Variants in FANCC observed in about 807,000 individuals in gnomAD.
FANCC encodes FA complementation group C.
Under a neutral mutation model 71.3 loss-of-function variants are expected in FANCC, and 55 were observed. That is an observed-to-expected ratio of 0.77 (90% CI 0.62 to 0.97). The LOEUF is 0.97. Ranked by LOEUF, FANCC falls within the 50% of genes least tolerant of loss-of-function variation. The probability of loss-of-function intolerance (pLI) is 0.00; values close to 1 mark genes in which losing one functional copy is unlikely to be tolerated. For synonymous variants in FANCC, 275 were observed against 244.9 expected (o/e 1.12, Z -1.15); for missense variants, 678 against 670.9 (o/e 1.01, Z -0.12).
chr9:95,294,593 C>T (rs1588430965), intron 1 of FANCC: 1 of 1,546,290 alleles, frequency 6.5e-7, no homozygotes, highest in East Asian at 2.2e-5. Flanking sequence ...AAAGATATAC[C>T]TGCTCTAGAA....
At chr9:95,255,864 G>A (rs1026839875) in intron 1 of FANCC, among the ~76,000 whole-genome samples, 4 of 151,632 alleles carry the variant, frequency 2.6e-5, no homozygotes, top group African/African-American at 7.3e-5. Flanking sequence ...TGAAAAACAC[G>A]TCATGAGAAC....
At chr9:95,281,276 G>C (rs542895832) in intron 1 of FANCC, among the ~76,000 whole-genome samples, 2 of 152,094 alleles carry the variant, frequency 1.3e-5, no homozygotes, top group African/African-American at 4.8e-5. Context: ...CAAGCACAAA[G>C]AGAGGATCCT....
chr9:95,264,322 T>C (rs1454834526), intron 1 of FANCC, among the ~76,000 whole-genome samples: 9 of 151,912 alleles, frequency 5.9e-5, no homozygotes, highest in Admixed American at 5.2e-4. Context: ...AATAAATACA[T>C]AAAAAAAGCA....
At chr9:95,141,560 C>T (rs1322142547) in intron 7 of FANCC, among the ~76,000 whole-genome samples, 4 of 151,894 alleles carry the variant, frequency 2.6e-5, no homozygotes, top group Admixed American at 2.0e-4. Context: ...GTAGGTCGGC[C>T]CTTTCTTCTA....
rs533065551 is a variant in FANCC at position 95,271,417 on chromosome 9, TGGAGACAGACACAGA to T, written c.-78-22063_-78-22049del. Among the ~76,000 whole-genome samples, 976 of 152,170 alleles carry T rather than the reference TGGAGACAGACACAGA, an allele frequency of 6.4e-3. 3 individuals are homozygous for T. Among genetic ancestry groups the T allele is most frequent in the Non-Finnish European group, 0.011 (733 of 67,996 alleles). ...ACCTTATGACAGAGGCAGAGCAAGT[TGGAGACAGACACAGA>T]GGAGGCAGCAAAGTGAAGACAGAAG... On this transcript the variant is annotated intron_variant, in intron 1 of 14. Transcript: ENST00000289081.
chr9:95,114,180 AT>A (rs139897930), intron 12 of FANCC: 1 of 209,050 alleles, frequency 4.8e-6, no homozygotes, highest in African/African-American at 2.3e-5. Flanking sequence ...AAAAGCAAGC[AT>A]TTAACATTCC....
rs150838235 is a variant in FANCC at position 95,243,897 on chromosome 9, C to G, written c.251-3154G>C. Among the ~76,000 whole-genome samples, 127 of 152,376 alleles carry G rather than the reference C, an allele frequency of 8.3e-4. 1 individual carries two copies. Among genetic ancestry groups the G allele is most frequent in the Non-Finnish European group, 1.7e-3 (113 of 68,034 alleles). On this transcript the variant is annotated intron_variant, in intron 3 of 14. Coordinates refer to ENST00000289081, the MANE Select transcript of FANCC (RefSeq NM_000136.3). ...CAGGGGCGACACAGGCAACATCTGA[C>G]TGCTAATGGAGTTTCATGCCATTCA...
intron 4 of FANCC, among the ~76,000 whole-genome samples, chr9:95,180,793 C>T (rs1331851385): frequency 6.6e-6 from 1 of 152,044 alleles, no homozygotes; most frequent in Non-Finnish European, 1.5e-5. Flanking sequence ...ACTAGCAGCA[C>T]AGGATGTTTG....
chr9:95,189,613 C>T (rs1016483092), intron 4 of FANCC, among the ~76,000 whole-genome samples: 3 of 152,094 alleles, frequency 2.0e-5, no homozygotes, highest in South Asian at 2.1e-4. Context: ...GGCATTAAAC[C>T]GTATCTATAA....
intron 8 of FANCC, among the ~76,000 whole-genome samples, chr9:95,131,386 G>A (rs961172386): frequency 3.9e-5 from 6 of 152,132 alleles, no homozygotes; most frequent in Admixed American, 1.3e-4. Context: ...TGACCCCTAC[G>A]TCCACCCCTG....
At chr9:95,164,754 T>C (rs949378149) in intron 6 of FANCC, among the ~76,000 whole-genome samples, 12 of 152,154 alleles carry the variant, frequency 7.9e-5, no homozygotes, top group African/African-American at 2.7e-4. Flanking sequence ...TGTTTTCATG[T>C]AGTTTCATTG....
intron 4 of FANCC, among the ~76,000 whole-genome samples, chr9:95,199,020 C>A (rs1827635606): frequency 6.6e-6 from 1 of 152,054 alleles, no homozygotes; most frequent in Non-Finnish European, 1.5e-5. Flanking sequence ...AGCTACTGTG[C>A]CTGACCTAGT....
At chr9:95,246,864 A>G (rs897987777) in intron 3 of FANCC, among the ~76,000 whole-genome samples, 1 of 152,188 alleles carries the variant, frequency 6.6e-6, no homozygotes, top group South Asian at 2.1e-4. Context: ...AGCAGACAGG[A>G]GCTCAGTGAA....
intron 6 of FANCC, among the ~76,000 whole-genome samples, chr9:95,163,665 C>A (rs1189532609): frequency 2.0e-5 from 3 of 152,136 alleles, no homozygotes; most frequent in African/African-American, 7.2e-5. Flanking sequence ...GCATGACCAA[C>A]ACGGAGAAAG....
chr9:95,149,810 G>A (rs1173631071), intron 7 of FANCC, 113 bp downstream of exon 7: 2 of 1,181,602 alleles, frequency 1.7e-6, no homozygotes, highest in Admixed American at 2.0e-5. Context: ...GAGTATAAAG[G>A]GTACTGAGAC....
rs568476798 is a variant in FANCC, at chr9:95,199,496, G to A, written c.346-27349C>T. Among the ~76,000 whole-genome samples the A allele has an allele frequency of 9.9e-5, 15 of 152,214 alleles. No individual in the cohort carries two copies. The East Asian group carries it at 1.9e-3, about 20-fold the overall frequency. ...GCTCCAGCAAGACCACCTCATGTCC[G>A]TTTGCCATGACCTAACTAGCCACCC... is the stretch of plus-strand genomic sequence containing the variant. On this transcript the variant is annotated intron_variant, in intron 4 of 14. Transcript: ENST00000289081.
chr9:95,184,958 T>A (rs1247792813), intron 4 of FANCC, among the ~76,000 whole-genome samples: 2 of 152,220 alleles, frequency 1.3e-5, no homozygotes, highest in African/African-American at 4.8e-5. Context: ...TGAAGCCACC[T>A]ATAATACTGA....
chr9:95,140,641 T>C (rs1828511415), intron 7 of FANCC, among the ~76,000 whole-genome samples: 1 of 152,094 alleles, frequency 6.6e-6, no homozygotes, highest in South Asian at 2.1e-4. Flanking sequence ...CTGGCAACAG[T>C]CCACCTTTTC....
intron 4 of FANCC, among the ~76,000 whole-genome samples, chr9:95,185,359 G>A (rs568805292): frequency 4.7e-4 from 71 of 152,148 alleles, no homozygotes; most frequent in Admixed American, 9.2e-4. Context: ...AAAATTTGTT[G>A]AGAAAAAAGG....
Sources: allele counts gnomAD v4.1 joint callset (sites outside exome capture counted in the v4.1 genomes callset), GRCh38; gene constraint gnomAD v4.1.1; transcripts MANE v1.5; gene names NCBI Gene and HGNC (gene_info 2026-07-23, HGNC 2026-07-21).